AGAP1: variants seen among roughly 807,000 people sequenced by gnomAD.
The protein encoded by AGAP1 is ArfGAP with GTPase domain, ankyrin repeat and PH domain 1.
In AGAP1, 29 loss-of-function variants were observed where a neutral mutation model predicts 105.3. The observed-to-expected ratio is 0.28, with a 90% CI of 0.21 to 0.38. The LOEUF is 0.38. AGAP1 is among the 10% of genes least tolerant of loss of function. The pLI is 1.00. For synonymous variants in AGAP1, 509 were observed against 485.9 expected, an observed-to-expected ratio of 1.05 and a Z score of -0.63; for missense variants, 998 against 1,165.1, an observed-to-expected ratio of 0.86 and a Z score of 2.09.
intron 9 of AGAP1, among the ~76,000 whole-genome samples, chr2:235,837,312 G>A (rs1960286686): frequency 6.6e-6 from 1 of 152,130 alleles, no homozygotes; most frequent in South Asian, 2.1e-4. Context: ...GAAAGGTTTA[G>A]GCTAAATATG....
At chr2:235,735,984 C>T (rs570664785) in intron 3 of AGAP1, among the ~76,000 whole-genome samples, 3 of 152,104 alleles carry the variant, frequency 2.0e-5, no homozygotes, top group African/African-American at 4.8e-5. Flanking sequence ...ATGCGGGTTC[C>T]GTTCTCACCT....
intron 1 of AGAP1, among the ~76,000 whole-genome samples, chr2:235,673,953 C>G (rs1948580790): frequency 6.6e-6 from 1 of 152,322 alleles, no homozygotes; most frequent in Non-Finnish European, 1.5e-5. Flanking sequence ...CAAGGTATTT[C>G]CATTAGCACA....
At position 235,867,059 on chromosome 2, in the gene AGAP1, A is replaced by T. The variant is rs1004393672; in HGVS notation, c.1051-16286A>T. ...GGTGCTTGCTTATGCGGAGCCTGTG[A>T]CCCTGCAGCTCAGCATGGGAGGCTA... On this transcript the variant is annotated intron_variant, in intron 9 of 17. Coordinates refer to ENST00000304032, the MANE Select transcript of AGAP1 (RefSeq NM_001037131.3). This position sits in a 1 kb window ranked among gnomAD's most constrained non-coding sequence, Gnocchi z 5.4. Among the ~76,000 whole-genome samples, 1 of 152,106 alleles carries T rather than the reference A, an allele frequency of 6.6e-6. No homozygotes were observed.
In AGAP1 at chr2:236,117,455, C is replaced by T. The variant is rs3754647; in HGVS notation, c.2115-2737C>T. ...TCCCGGGGAGAACATACTGACACAGCGAAGGGTTCAGGAGCCGCAGGTTCG... is the reference window on the plus strand; with the variant it reads ...TCCCGGGGAGAACATACTGACACAGTGAAGGGTTCAGGAGCCGCAGGTTCG... On this transcript the variant is annotated intron_variant, in intron 16 of 17. Coordinates refer to ENST00000304032, the MANE Select transcript of AGAP1 (RefSeq NM_001037131.3). 1.3e-3 allele frequency among the ~76,000 whole-genome samples: 199 copies of T among 152,246 alleles called. 6 individuals are homozygous for T. The East Asian group carries it at 0.038, about 29-fold the overall frequency.
At chr2:235,589,194 G>GTTTGTTTTTTTTTTTTTTTTTTTTTTTTT (rs1945238178) in intron 1 of AGAP1, among the ~76,000 whole-genome samples, 1 of 59,584 alleles carries the variant, frequency 1.7e-5, no homozygotes, top group Non-Finnish European at 2.9e-5. Flanking sequence ...TTATTGTTTT[G>GTTTGTTTTTTTTTTTTTTTTTTTTTTTTT]TTTTTTTTTT....
rs1046216524 is a variant in AGAP1 at position 235,701,891 on chromosome 2, T to C, written c.164-7288T>C. ...GTACCATCTTTCTTCCATTGTTGTT[T>C]TGTTTTATATTTGGGGGCTTTACGG... On this transcript the variant is annotated intron_variant, in intron 1 of 17. Transcript: ENST00000304032. The surrounding 1 kb of genome is among the most constrained non-coding windows in gnomAD (Gnocchi z 4.1). Among the ~76,000 whole-genome samples the C allele has an allele frequency of 6.6e-6, 1 of 152,180 alleles. No individual in the cohort carries two copies. The highest frequency in any genetic ancestry group is 2.4e-5 in the African/African-American group (1 of 41,440).
chr2:236,070,183 C>A (rs1275093155), intron 16 of AGAP1, among the ~76,000 whole-genome samples: 2 of 152,268 alleles, frequency 1.3e-5, no homozygotes, highest in African/African-American at 4.8e-5. Flanking sequence ...TCAGTTTCCT[C>A]CTCTGGAAGT....
Position 235,783,384 on chromosome 2 carries a change from G to A in AGAP1, c.674-14375G>A, listed in dbSNP as rs557552213. 1.0e-3 allele frequency: 490 copies of A among 470,982 alleles called. 5 individuals are homozygous for A. The highest frequency in any genetic ancestry group is 6.7e-3 in the South Asian group (432 of 64,500). 29.2% of individuals were successfully genotyped at this position (470,982 alleles called of 1,614,324 possible). A position where few individuals can be genotyped will look rare whatever the true frequency, so the allele number is the denominator to read the frequency against. On this transcript the variant is annotated intron_variant, in intron 6 of 17. Transcript: ENST00000304032. ...CTTTGTTCCTTGCTCATCCTTGGCC[G>A]GACCAGAGAAGTTATTGATAATCAG...
At chr2:235,742,631 T>G (rs1430579910) in intron 4 of AGAP1, among the ~76,000 whole-genome samples, 1 of 152,202 alleles carries the variant, frequency 6.6e-6, no homozygotes, top group Non-Finnish European at 1.5e-5. Flanking sequence ...CAGCTCTTTC[T>G]TAGTCCCACT....
At chr2:235,565,643 A>C (rs1293238385) in intron 1 of AGAP1, among the ~76,000 whole-genome samples, 1 of 152,200 alleles carries the variant, frequency 6.6e-6, no homozygotes, top group East Asian at 1.9e-4. Context: ...AAAGCTTCTC[A>C]TGTCATTGAC....
Position 236,064,326 on chromosome 2 carries a change from G to A in AGAP1, c.2114+15045G>A, listed in dbSNP as rs185216759. Among the ~76,000 whole-genome samples, 15 of 152,154 alleles carry A rather than the reference G, an allele frequency of 9.9e-5. 1 individual carries two copies. The South Asian group carries it at 2.3e-3, about 23-fold the overall frequency. On this transcript the variant is annotated intron_variant, in intron 16 of 17. Coordinates refer to ENST00000304032, the MANE Select transcript of AGAP1 (RefSeq NM_001037131.3). The stretch of plus-strand genomic sequence containing the variant: ...GTGAAAATTTGCTCTGCCGTGGCTC[G>A]CGCCTGTAATCCCAGCACTTTGGGG...
intron 9 of AGAP1, among the ~76,000 whole-genome samples, chr2:235,827,821 G>A (rs1379646553): frequency 6.6e-6 from 1 of 152,246 alleles, no homozygotes; most frequent in Non-Finnish European, 1.5e-5. Flanking sequence ...GGTGTTTTCA[G>A]GGGTGGCTGC....
At chr2:235,924,268 G>A (rs1173982939) in intron 11 of AGAP1, among the ~76,000 whole-genome samples, 1 of 152,138 alleles carries the variant, frequency 6.6e-6, no homozygotes, top group East Asian at 1.9e-4. Context: ...AAAAGCTGCA[G>A]TGTCCCCTGG....
chr2:236,021,120 C>T (rs904638771), intron 13 of AGAP1, among the ~76,000 whole-genome samples: 5 of 147,872 alleles, frequency 3.4e-5, no homozygotes, highest in African/African-American at 1.3e-4. Context: ...GAGCCAAGAT[C>T]GTGCCACTAC....
chr2:235,843,162 C>A lies in AGAP1; in HGVS notation c.1050+35831C>A, dbSNP rs1006163977. Among the ~76,000 whole-genome samples the A allele has an allele frequency of 6.6e-6, 1 of 152,192 alleles. No homozygotes were observed. The highest frequency in any genetic ancestry group is 1.5e-5 in the Non-Finnish European group (1 of 68,044). ...CAAATCTGCCTGTGAAGTCGCTGTT[C>A]ATCCCTGCAGGCTCCCTGTACCCCC... On this transcript the variant is annotated intron_variant, in intron 9 of 17. Coordinates refer to ENST00000304032, the MANE Select transcript of AGAP1 (RefSeq NM_001037131.3). The surrounding 1 kb of genome is among the most constrained non-coding windows in gnomAD (Gnocchi z 5.9).
At chr2:235,812,332 C>T (rs1223417900) in intron 9 of AGAP1, among the ~76,000 whole-genome samples, 2 of 152,242 alleles carry the variant, frequency 1.3e-5, no homozygotes, top group Non-Finnish European at 2.9e-5. Context: ...AAGCCCGCCG[C>T]ACCCGCCATC....
In AGAP1 at chr2:235,635,111, G is replaced by C. The variant is rs1946953449; in HGVS notation, c.164-74068G>C. Among the ~76,000 whole-genome samples, 1 of 152,182 alleles carries C rather than the reference G, an allele frequency of 6.6e-6. No individual in the cohort carries two copies. The highest frequency in any genetic ancestry group is 6.5e-5 in the Admixed American group (1 of 15,278). On this transcript the variant is annotated intron_variant, in intron 1 of 17. Transcript: ENST00000304032. The surrounding 1 kb of genome is among the most constrained non-coding windows in gnomAD (Gnocchi z 5.3). ...TTGGGAATCTCCTGCCTCAGGACCTGGTGGTCTAGAGGTACTGTGGTATAA... is the reference window on the plus strand; with the variant it reads ...TTGGGAATCTCCTGCCTCAGGACCTCGTGGTCTAGAGGTACTGTGGTATAA...
rs1424670906 is a variant in AGAP1 at position 235,686,618 on chromosome 2, TAGATATATATATATATATATATATATAG to T, written c.164-22559_164-22532del. On this transcript the variant is annotated intron_variant, in intron 1 of 17. Transcript: ENST00000304032. ...GTGTGTATATATATACGTGGAGATATAGATATATATATATATATATATATATAGATATATATATATATATATATTTTTT... is the reference window on the plus strand; with the variant it reads ...GTGTGTATATATATACGTGGAGATATATATATATATATATATATATTTTTT... 1.5e-3 allele frequency among the ~76,000 whole-genome samples: 124 copies of T among 81,830 alleles called. 1 individual carries two copies. Among genetic ancestry groups the T allele is most frequent in the Middle Eastern group, 8.2e-3 (1 of 122 alleles). The allele number at this position is 81,830 out of a possible 152,430, so 53.7% of individuals were successfully genotyped here. A position where few individuals can be genotyped will look rare whatever the true frequency, so the allele number is the denominator to read the frequency against.
chr2:235,932,284 C>G (rs114826619), intron 12 of AGAP1, among the ~76,000 whole-genome samples: 11 of 152,156 alleles, frequency 7.2e-5, no homozygotes, highest in African/African-American at 2.2e-4. Context: ...CTTATCTGTT[C>G]AATGGACACG....
Sources: gnomAD v4.1 joint callset for allele counts (sites outside exome capture counted in the v4.1 genomes callset) on GRCh38, gnomAD v4.1.1 for gene constraint, Gnocchi (gnomAD v3.1) non-coding constraint, MANE v1.5 for transcripts, NCBI Gene and HGNC (gene_info 2026-07-23, HGNC 2026-07-21) for gene names.